CABP7: variants seen among roughly 807,000 people sequenced by gnomAD.
CABP7 encodes the protein calcium binding protein 7, also known as calcium-binding protein 7.
CABP7 carries 13 observed loss-of-function variants against 23.1 expected under a neutral mutation model. The observed-to-expected ratio is 0.56, with a 90% CI of 0.37 to 0.90. The LOEUF is 0.90. Ranked by LOEUF, CABP7 falls within the 40% of genes least tolerant of loss-of-function variation. The pLI is 0.01. For missense variants in CABP7, 248 were observed against 295.6 expected, an observed-to-expected ratio of 0.84 and a Z score of 1.18; for synonymous variants, 123 against 115.3, an observed-to-expected ratio of 1.07 and a Z score of -0.43.
intron 1 of CABP7, among the ~76,000 whole-genome samples, chr22:29,722,629 C>T (rs1347766935): frequency 1.3e-5 from 2 of 152,252 alleles, no homozygotes; most frequent in Admixed American, 6.5e-5. Flanking sequence ...AGCCCTCTGG[C>T]GGCCCCAGGT....
Position 29,730,975 on chromosome 22 carries a change from T to C in CABP7, c.*1406T>C. On this transcript the variant is annotated 3_prime_UTR_variant, in exon 5 of 5. Coordinates refer to ENST00000216144, the MANE Select transcript of CABP7 (RefSeq NM_182527.3). ...GACCACTGTGGTGACAGACTTTCTT[T>C]ATAAACATTTGGAAGTTTTCTCCCC... 2 of 356,148 alleles carry C rather than the reference T, an allele frequency of 5.6e-6. No individual in the cohort carries two copies. Among genetic ancestry groups the C allele is most frequent in the Non-Finnish European group, 1.0e-5 (2 of 200,802 alleles). 22.1% of individuals were successfully genotyped at this position (356,148 alleles called of 1,614,324 possible).
chr22:29,722,848 CAGTACGT>C (rs2147205529), intron 1 of CABP7, among the ~76,000 whole-genome samples: 1 of 152,350 alleles, frequency 6.6e-6, no homozygotes, highest in Admixed American at 6.5e-5. Context: ...ATGCTGCAGA[CAGTACGT>C]GCCTGCCGCA....
chr22:29,722,898 G>A (rs2067771334), intron 1 of CABP7, among the ~76,000 whole-genome samples: 1 of 152,278 alleles, frequency 6.6e-6, no homozygotes, highest in Non-Finnish European at 1.5e-5. Context: ...TGAGCGGAAA[G>A]GAGGACCAGG....
intron 1 of CABP7, among the ~76,000 whole-genome samples, chr22:29,722,594 C>T (rs2067769151): frequency 6.6e-6 from 1 of 152,262 alleles, no homozygotes; most frequent in African/African-American, 2.4e-5. Flanking sequence ...TGACCAGCCC[C>T]CTTCTTGGCT....
chr22:29,725,890 A>G (rs1365942032), intron 1 of CABP7, among the ~76,000 whole-genome samples: 1 of 152,160 alleles, frequency 6.6e-6, no homozygotes, highest in African/African-American at 2.4e-5. Context: ...GTGTGTGTGC[A>G]GATGCCTCCA....
intron 1 of CABP7, among the ~76,000 whole-genome samples, chr22:29,725,353 C>T (rs1445463331): frequency 6.6e-6 from 1 of 152,162 alleles, no homozygotes; most frequent in African/African-American, 2.4e-5. Flanking sequence ...TCACAGCAAG[C>T]GGTATGTGAA....
At chr22:29,726,178 A>G (rs1229411544) in intron 1 of CABP7, among the ~76,000 whole-genome samples, 1 of 152,170 alleles carries the variant, frequency 6.6e-6, no homozygotes, top group Admixed American at 6.5e-5. Flanking sequence ...GGGGAAGTCC[A>G]GAGTCAGAAA....
intron 1 of CABP7, among the ~76,000 whole-genome samples, chr22:29,722,726 G>A (rs1467469262): frequency 6.6e-6 from 1 of 152,258 alleles, no homozygotes; most frequent in Non-Finnish European, 1.5e-5. Context: ...GGCCTCATGA[G>A]TGCTCCTGCC....
Position 29,727,227 on chromosome 22 carries a change from G to A in CABP7, c.110-435G>A, listed in dbSNP as rs556656033. The stretch of plus-strand genomic sequence containing the variant: ...GCCGGTGTTAAGGATCTAAGGATCC[G>A]AGCCTGGGGGAGGAGGCGCAGCGGG... On this transcript the variant is annotated intron_variant, in intron 1 of 4. Transcript: ENST00000216144. The surrounding 1 kb of genome is among the most constrained non-coding windows in gnomAD (Gnocchi z 4.2). 3.3e-4 allele frequency among the ~76,000 whole-genome samples: 33 copies of A among 99,530 alleles called. No homozygotes were observed. Among genetic ancestry groups the A allele is most frequent in the Non-Finnish European group, 4.3e-4 (18 of 41,554 alleles). The allele number at this position is 99,530 out of a possible 152,430, so 65.3% of individuals were successfully genotyped here.
chr22:29,727,709 A>G lies in CABP7; in HGVS notation c.157A>G (p.Ile53Val), dbSNP rs1202315696. The change falls in exon 2 of 5, where the codon ATC becomes GTC. Residue 53 changes from isoleucine to valine, a missense_variant. By Grantham distance (29) the Ile-to-Val change is conservative. Coordinates refer to ENST00000216144, the MANE Select transcript of CABP7 (RefSeq NM_182527.3). This position sits in a 1 kb window ranked among gnomAD's most constrained non-coding sequence, Gnocchi z 4.2. ...GTTTGACCGTGACGGCAATGGCTTCATCTCCAAGCAGGAGCTGGGCACAGC... is the reference window on the plus strand; with the variant it reads ...GTTTGACCGTGACGGCAATGGCTTCGTCTCCAAGCAGGAGCTGGGCACAGC... ...KVFDRDGNGF[I>V]SKQELGTAMR... is the part of the protein sequence containing the mutation. 1.2e-6 allele frequency: 2 copies of G among 1,613,706 alleles called. No individual in the cohort carries two copies. Among genetic ancestry groups the G allele is most frequent in the Non-Finnish European group, 1.7e-6 (2 of 1,179,932 alleles).
rs903051599 is a variant in CABP7 at position 29,730,997 on chromosome 22, C to A, written c.*1428C>A. The A allele has an allele frequency of 4.9e-6, 2 of 409,232 alleles. No individual in the cohort carries two copies. The highest frequency in any genetic ancestry group is 8.5e-6 in the Non-Finnish European group (2 of 234,564). 25.4% of individuals were successfully genotyped at this position (409,232 alleles called of 1,614,324 possible). On this transcript the variant is annotated 3_prime_UTR_variant, in exon 5 of 5. Transcript: ENST00000216144. ...CTTTATAAACATTTGGAAGTTTTCT[C>A]CCCCATCTTCTTAAGAAGCAGGGGG...
In CABP7 at chr22:29,731,483, G is replaced by T. The variant is rs5752956; in HGVS notation, c.*1914G>T. On this transcript the variant is annotated 3_prime_UTR_variant, in exon 5 of 5. Transcript: ENST00000216144. ...GCTGCCTGCATGACTTTTCTGGAAG[G>T]CAGAGCCTCGAAAATAGGCAGACCG... The T allele has an allele frequency of 0.014, 17,446 of 1,289,248 alleles. 1,962 individuals are homozygous for T. The East Asian group carries it at 0.31, about 23-fold the overall frequency. The allele number at this position is 1,289,248 out of a possible 1,614,324, so 79.9% of individuals were successfully genotyped here.
At position 29,721,550 on chromosome 22, in the gene CABP7, G is replaced by T. The variant is rs559104144; in HGVS notation, c.109+1017G>T. 4.6e-5 allele frequency among the ~76,000 whole-genome samples: 7 copies of T among 152,250 alleles called. No homozygotes were observed. In the East Asian group the frequency reaches 1.4e-3, roughly 29 times the overall value. ...CCTCTCGGGGTACCTTGGATCCAGG[G>T]GTCTCTGAGATCTGGAGGCTCATTA... On this transcript the variant is annotated intron_variant, in intron 1 of 4. Coordinates refer to ENST00000216144, the MANE Select transcript of CABP7 (RefSeq NM_182527.3).
chr22:29,726,218 A>G (rs1174171711), intron 1 of CABP7, among the ~76,000 whole-genome samples: 1 of 152,162 alleles, frequency 6.6e-6, no homozygotes, highest in Non-Finnish European at 1.5e-5. Context: ...CCCGGTGCAC[A>G]TGTGAGCCTG....
At chr22:29,722,744 G>A (rs903573237) in intron 1 of CABP7, among the ~76,000 whole-genome samples, 4 of 152,272 alleles carry the variant, frequency 2.6e-5, no homozygotes, top group African/African-American at 7.2e-5. Context: ...GCCCCAGGGC[G>A]GTCTGGGCGA....
rs1003118293 is a variant in CABP7, at chr22:29,731,640, C to T, written c.*2071C>T. 11 of 376,204 alleles carry T rather than the reference C, an allele frequency of 2.9e-5. No individual in the cohort carries two copies. Among genetic ancestry groups the T allele is most frequent in the South Asian group, 1.7e-4 (5 of 29,246 alleles). 23.3% of individuals were successfully genotyped at this position (376,204 alleles called of 1,614,324 possible). ...GGGGGACTGATTCAATACATATGCA[C>T]GTCCACAGCAGAGAATGCCATGCGG... is the stretch of plus-strand genomic sequence containing the variant. On this transcript the variant is annotated 3_prime_UTR_variant, in exon 5 of 5. Transcript: ENST00000216144.
rs767401876 is a variant in CABP7 at position 29,720,502 on chromosome 22, C to T, written c.78C>T (p.Arg26=). 8 of 1,558,190 alleles carry T rather than the reference C, an allele frequency of 5.1e-6. No homozygotes were observed. The African/African-American group carries it at 1.1e-4, about 22-fold the overall frequency. ...YTVPNLLSEQ[R]PVDIPEDELE... ...TGCCCAACCTGCTGTCGGAGCAGCG[C>T]CCGGTGGACATCCCGGAGGACGAGC... is the stretch of plus-strand genomic sequence containing the variant. Residue 26 remains arginine, a synonymous_variant, in exon 1 of 5, where the codon CGC becomes CGT. Transcript: ENST00000216144. This position sits in a 1 kb window ranked among gnomAD's most constrained non-coding sequence, Gnocchi z 5.2.
chr22:29,727,899 A>C lies in CABP7; in HGVS notation c.253+94A>C, dbSNP rs1288171249. The C allele has an allele frequency of 1.6e-5, 23 of 1,412,316 alleles. No homozygotes were observed. The highest frequency in any genetic ancestry group is 2.2e-5 in the Non-Finnish European group (23 of 1,053,054). 87.5% of individuals were successfully genotyped at this position (1,412,316 alleles called of 1,614,324 possible). A position where few individuals can be genotyped will look rare whatever the true frequency, so the allele number is the denominator to read the frequency against. On this transcript the variant is annotated intron_variant, in intron 2 of 4. Coordinates refer to ENST00000216144, the MANE Select transcript of CABP7 (RefSeq NM_182527.3). This position sits in a 1 kb window ranked among gnomAD's most constrained non-coding sequence, Gnocchi z 4.2. ...CCTGAGCTGCTGAGGCTGCATCCAA[A>C]TTGGGTCTCTCGCTCCCCTGACTCC...
chr22:29,731,070 C>T lies in CABP7; in HGVS notation c.*1501C>T, dbSNP rs561882076. 3.1e-5 allele frequency: 23 copies of T among 740,884 alleles called. No homozygotes were observed. The highest frequency in any genetic ancestry group is 2.1e-4 in the East Asian group (7 of 33,050). 45.9% of individuals were successfully genotyped at this position (740,884 alleles called of 1,614,324 possible). A position where few individuals can be genotyped will look rare whatever the true frequency, so the allele number is the denominator to read the frequency against. On this transcript the variant is annotated 3_prime_UTR_variant, in exon 5 of 5. Coordinates refer to ENST00000216144, the MANE Select transcript of CABP7 (RefSeq NM_182527.3). ...AGAGCTGCCCGGTGCAGACCCAGGACGAGGGCTGCACTTGGTGTGGCCGTG... is the reference window on the plus strand; with the variant it reads ...AGAGCTGCCCGGTGCAGACCCAGGATGAGGGCTGCACTTGGTGTGGCCGTG...
Sources: allele counts gnomAD v4.1 joint callset (sites outside exome capture counted in the v4.1 genomes callset), GRCh38; gene constraint gnomAD v4.1.1; non-coding constraint Gnocchi (gnomAD v3.1); transcripts MANE v1.5; gene names NCBI Gene and HGNC (gene_info 2026-07-23, HGNC 2026-07-21).